Variants in NUBPL observed in about 807,000 individuals in gnomAD.
NUBPL encodes the protein iron-sulfur cluster transfer protein NUBPL.
A neutral mutation model predicts 45.7 loss-of-function variants in NUBPL; 31 were observed. That is an observed-to-expected ratio of 0.68 (90% CI 0.51 to 0.92). NUBPL has a LOEUF of 0.92. NUBPL is among the 40% of genes least tolerant of loss of function. The pLI, the probability that NUBPL is intolerant of heterozygous loss-of-function variation, is 0.00. For synonymous variants in NUBPL, 144 were observed against 140.9 expected (o/e 1.02, Z -0.15); for missense variants, 401 against 398.7 (o/e 1.01, Z -0.05).
chr14:31,805,718 C>T (rs2039672148), intron 7 of NUBPL, among the ~76,000 whole-genome samples: 1 of 151,856 alleles, frequency 6.6e-6, no homozygotes, highest in Admixed American at 6.6e-5. Flanking sequence ...AACACATGGA[C>T]ACAAAGAGGG....
At chr14:31,636,963 T>C (rs1410854348) in intron 4 of NUBPL, among the ~76,000 whole-genome samples, 1 of 152,218 alleles carries the variant, frequency 6.6e-6, no homozygotes, top group Non-Finnish European at 1.5e-5. Context: ...TTATTGTGTC[T>C]ATTTGATTCT....
intron 7 of NUBPL, among the ~76,000 whole-genome samples, chr14:31,798,303 G>GTTTTTTTT (rs71115031): frequency 9.3e-6 from 1 of 107,260 alleles, no homozygotes; most frequent in Non-Finnish European, 1.7e-5. Flanking sequence ...TTTATTTATG[G>GTTTTTTTT]TTTTTTTTTT....
intron 6 of NUBPL, among the ~76,000 whole-genome samples, chr14:31,700,940 C>T (rs4981114): frequency 0.29 from 44,569 of 152,056 alleles, 7,459 homozygotes; most frequent in South Asian, 0.41. Flanking sequence ...TGCAGGTGCG[C>T]GGCGCGGGAC....
chr14:31,650,246 G>T (rs2035963662), intron 4 of NUBPL, among the ~76,000 whole-genome samples: 1 of 151,646 alleles, frequency 6.6e-6, no homozygotes, highest in East Asian at 1.9e-4. Flanking sequence ...TGTAAAGATA[G>T]AGCCTAACTA....
chr14:31,787,842 G>A lies in NUBPL; in HGVS notation c.576G>A (p.Gln192=), dbSNP rs771116188. The A allele has an allele frequency of 1.9e-5, 31 of 1,612,638 alleles. No homozygotes were observed. The highest frequency in any genetic ancestry group is 2.2e-5 in the East Asian group (1 of 44,844). Residue 192 remains glutamine (Q), a synonymous_variant, in exon 7 of 11, where the codon CAG becomes CAA. Coordinates refer to ENST00000281081, the MANE Select transcript of NUBPL (RefSeq NM_025152.3). ...TGCCACCAGGAACTGGAGATGTGCA[G>A]TTATCAGTCTCACAGAATATTCCTA... ...VDMPPGTGDV[Q]LSVSQNIPIT...
chr14:31,648,265 C>T (rs2035908475), intron 4 of NUBPL, among the ~76,000 whole-genome samples: 1 of 152,062 alleles, frequency 6.6e-6, no homozygotes, highest in Admixed American at 6.6e-5. Context: ...TAAGAGGTTG[C>T]TTTAAAAAAT....
At chr14:31,833,863 C>A (rs1212013739) in intron 8 of NUBPL, among the ~76,000 whole-genome samples, 1 of 152,206 alleles carries the variant, frequency 6.6e-6, no homozygotes, top group Non-Finnish European at 1.5e-5. Context: ...AAATCAGTCA[C>A]ATGGCCACAT....
intron 6 of NUBPL, among the ~76,000 whole-genome samples, chr14:31,730,636 T>C (rs2038030416): frequency 6.6e-6 from 1 of 151,978 alleles, no homozygotes; most frequent in South Asian, 2.1e-4. Flanking sequence ...ACTAATTTTT[T>C]TTTGTATTTT....
chr14:31,606,054 ATTC>A (rs962457563), intron 4 of NUBPL, among the ~76,000 whole-genome samples: 18 of 118,236 alleles, frequency 1.5e-4, no homozygotes, highest in Admixed American at 3.4e-4. Flanking sequence ...CTCCTCCTCC[ATTC>A]TTCTTCTTCT....
intron 3 of NUBPL, among the ~76,000 whole-genome samples, chr14:31,573,619 T>C (rs1001449793): frequency 6.6e-6 from 1 of 152,212 alleles, no homozygotes; most frequent in Admixed American, 6.5e-5. Context: ...ATCAATTACC[T>C]GTTCCTGCTG....
chr14:31,691,616 G>A (rs1164851045), intron 6 of NUBPL, among the ~76,000 whole-genome samples: 1 of 152,180 alleles, frequency 6.6e-6, no homozygotes, highest in Non-Finnish European at 1.5e-5. Context: ...ATGATGCAGT[G>A]GAGCTGAATT....
intron 3 of NUBPL, among the ~76,000 whole-genome samples, chr14:31,576,859 T>C (rs1229150212): frequency 6.6e-6 from 1 of 152,234 alleles, no homozygotes; most frequent in Non-Finnish European, 1.5e-5. Flanking sequence ...ACATGAAGGC[T>C]TAGTTCAGGT....
intron 6 of NUBPL, among the ~76,000 whole-genome samples, chr14:31,690,635 G>A (rs1295682401): frequency 1.3e-5 from 2 of 152,194 alleles, no homozygotes; most frequent in East Asian, 1.9e-4. Flanking sequence ...AAGCTATCAA[G>A]CCCAAAAGAA....
chr14:31,612,583 C>G (rs2034788720), intron 4 of NUBPL, among the ~76,000 whole-genome samples: 1 of 152,030 alleles, frequency 6.6e-6, no homozygotes, highest in Admixed American at 6.6e-5. Context: ...ATTGCTCGAA[C>G]CCAGGAGGCG....
chr14:31,817,125 T>C (rs1375596660), intron 7 of NUBPL, among the ~76,000 whole-genome samples: 1 of 151,572 alleles, frequency 6.6e-6, no homozygotes, highest in Non-Finnish European at 1.5e-5. Flanking sequence ...AAGACAAAAT[T>C]AGAGAAAAAA....
rs1464565082 is a variant in NUBPL at position 31,635,895 on chromosome 14, T to A, written c.382+36516T>A. ...CTCATGATTTGGCTCTCTGTTTGTC[T>A]GTTATTGGTGTGTAAGAATGCTTGT... On this transcript the variant is annotated intron_variant, in intron 4 of 10. Coordinates refer to ENST00000281081, the MANE Select transcript of NUBPL (RefSeq NM_025152.3). Among the ~76,000 whole-genome samples, 54 of 152,354 alleles carry A rather than the reference T, an allele frequency of 3.5e-4. No individual in the cohort carries two copies. The South Asian group carries it at 0.011, about 30-fold the overall frequency.
At chr14:31,777,777 C>T (rs974419060) in intron 6 of NUBPL, among the ~76,000 whole-genome samples, 1 of 152,178 alleles carries the variant, frequency 6.6e-6, no homozygotes, top group Non-Finnish European at 1.5e-5. Context: ...CCAGATACAG[C>T]AGCAAGTATT....
At chr14:31,852,569 G>T (rs2040553570) in intron 10 of NUBPL, among the ~76,000 whole-genome samples, 1 of 152,162 alleles carries the variant, frequency 6.6e-6, no homozygotes, top group Non-Finnish European at 1.5e-5. Flanking sequence ...TACTTGGGAG[G>T]CTGAGGCAGG....
At chr14:31,583,919 A>G (rs1313892882) in intron 3 of NUBPL, among the ~76,000 whole-genome samples, 6 of 152,164 alleles carry the variant, frequency 3.9e-5, no homozygotes. Flanking sequence ...TTGATGTTAG[A>G]TATATTTTCC....
Sources: gnomAD v4.1 joint callset for allele counts (sites outside exome capture counted in the v4.1 genomes callset) on GRCh38, gnomAD v4.1.1 for gene constraint, MANE v1.5 for transcripts, NCBI Gene and HGNC (gene_info 2026-07-23, HGNC 2026-07-21) for gene names.